Variants in CCDC170 observed in about 807,000 individuals in gnomAD.
CCDC170 encodes the protein coiled-coil domain containing 170.
In CCDC170, 69 loss-of-function variants were observed where a neutral mutation model predicts 72.6. The observed-to-expected ratio is 0.95, with a 90% CI of 0.78 to 1.16. CCDC170 has a LOEUF of 1.16. Ranked by LOEUF, CCDC170 falls within the 50% of genes most tolerant of loss-of-function variation. The pLI is 0.00. For synonymous variants in CCDC170, 300 were observed against 303.9 expected, an observed-to-expected ratio of 0.99 and a Z score of 0.13; for missense variants, 852 against 832.5, an observed-to-expected ratio of 1.02 and a Z score of -0.29.
At chr6:151,584,196 G>A (rs1008296876) in intron 6 of CCDC170, among the ~76,000 whole-genome samples, 2 of 152,204 alleles carry the variant, frequency 1.3e-5, no homozygotes, top group African/African-American at 4.8e-5. Context: ...AATAAAGTGA[G>A]ATGTGCCTGT....
chr6:151,584,282 T>G (rs1220648113), intron 6 of CCDC170, among the ~76,000 whole-genome samples: 1 of 152,234 alleles, frequency 6.6e-6, no homozygotes, highest in Non-Finnish European at 1.5e-5. Flanking sequence ...ACAGCTGTAA[T>G]CATTGTAAAG....
intron 5 of CCDC170, among the ~76,000 whole-genome samples, chr6:151,554,453 A>C (rs1008216158): frequency 5.3e-5 from 8 of 152,140 alleles, no homozygotes; most frequent in Non-Finnish European, 4.4e-5. Flanking sequence ...GGCCAGGTGC[A>C]GTGGCTCAAG....
chr6:151,545,162 G>T (rs1203711317), intron 4 of CCDC170, among the ~76,000 whole-genome samples: 1 of 152,190 alleles, frequency 6.6e-6, no homozygotes, highest in Non-Finnish European at 1.5e-5. Flanking sequence ...ACTCACGCCT[G>T]TAATCCCAGC....
chr6:151,589,161 A>C (rs1052240170), intron 7 of CCDC170, among the ~76,000 whole-genome samples: 2 of 152,026 alleles, frequency 1.3e-5, no homozygotes, highest in African/African-American at 4.8e-5. Context: ...AAGCTGAGGC[A>C]GGAGAATCGC....
chr6:151,501,844 T>C (rs1397496818), intron 1 of CCDC170, among the ~76,000 whole-genome samples: 1 of 152,226 alleles, frequency 6.6e-6, no homozygotes, highest in African/African-American at 2.4e-5. Flanking sequence ...AAGGACAACT[T>C]GATTTTTTTT....
chr6:151,570,143 G>C (rs1379087437), intron 5 of CCDC170, among the ~76,000 whole-genome samples: 1 of 152,174 alleles, frequency 6.6e-6, no homozygotes, highest in Non-Finnish European at 1.5e-5. Context: ...GTCTTGTGGT[G>C]TTGGCTGCCA....
In CCDC170 at chr6:151,616,376, C is replaced by T. The variant is rs1006851175; in HGVS notation, c.1947+697C>T. On this transcript the variant is annotated intron_variant, in intron 10 of 10. Coordinates refer to ENST00000239374, the MANE Select transcript of CCDC170 (RefSeq NM_025059.4). ...AGGTCAGGCGTAAAGAAACATGTAC[C>T]GGGCAGCTTGACCTCCATTGCTTTT... 4.6e-5 allele frequency among the ~76,000 whole-genome samples: 7 copies of T among 152,018 alleles called. No homozygotes were observed. In the East Asian group the frequency reaches 7.7e-4, roughly 17 times the overall value.
chr6:151,538,380 G>A, intron 3 of CCDC170, 79 bp downstream of exon 3: 2 of 1,369,300 alleles, frequency 1.5e-6, no homozygotes, highest in Non-Finnish European at 1.0e-6. Context: ...GTCTTTGAAA[G>A]TACTGGCATT....
At position 151,533,300 on chromosome 6, in the gene CCDC170, C is replaced by T. The variant is rs527625379; in HGVS notation, c.58-3018C>T. Reference sequence around the variant, plus strand: ...CGATCTCCTGACCTTGTGATCTGCCCGCCTTGGCCTCCCAAAGTGCTGGGA... The same window carrying T: ...CGATCTCCTGACCTTGTGATCTGCCTGCCTTGGCCTCCCAAAGTGCTGGGA... On this transcript the variant is annotated intron_variant, in intron 1 of 10. Coordinates refer to ENST00000239374, the MANE Select transcript of CCDC170 (RefSeq NM_025059.4). Among the ~76,000 whole-genome samples, 1,082 of 151,906 alleles carry T rather than the reference C, an allele frequency of 7.1e-3. 10 individuals are homozygous for T. Among genetic ancestry groups the T allele is most frequent in the African/African-American group, 0.024 (1,003 of 41,486 alleles).
intron 5 of CCDC170, among the ~76,000 whole-genome samples, chr6:151,561,770 A>T (rs1776038223): frequency 6.6e-6 from 1 of 152,116 alleles, no homozygotes; most frequent in Non-Finnish European, 1.5e-5. Context: ...TAGCAAGATT[A>T]GGGAAAAATT....
chr6:151,499,581 A>ACTCT lies in CCDC170; in HGVS notation c.57+5397_57+5398insTCTC, dbSNP rs1225963940. On this transcript the variant is annotated intron_variant, in intron 1 of 10. Coordinates refer to ENST00000239374, the MANE Select transcript of CCDC170 (RefSeq NM_025059.4). ...CATACTGTATTTGACTATTCTAGGC[A>ACTCT]CGCTGTATAAGTGGAATCAGACCGT... 6.8e-5 allele frequency among the ~76,000 whole-genome samples: 9 copies of ACTCT among 132,748 alleles called. 4 individuals are homozygous for ACTCT. The highest frequency in any genetic ancestry group is 2.8e-4 in the African/African-American group (9 of 31,646). The allele number at this position is 132,748 out of a possible 152,430, so 87.1% of individuals were successfully genotyped here.
intron 9 of CCDC170, among the ~76,000 whole-genome samples, chr6:151,611,452 G>A (rs1452665084): frequency 1.3e-5 from 2 of 152,164 alleles, no homozygotes; most frequent in Non-Finnish European, 2.9e-5. Flanking sequence ...GTTCATAGAT[G>A]ATGCCTTCTT....
chr6:151,562,818 G>A (rs920068952), intron 5 of CCDC170, among the ~76,000 whole-genome samples: 2 of 152,126 alleles, frequency 1.3e-5, no homozygotes, highest in East Asian at 3.9e-4. Context: ...TGGGGGAGGA[G>A]TGGGTGGGAA....
intron 6 of CCDC170, among the ~76,000 whole-genome samples, chr6:151,573,834 TACCTCCCACCAGGTCCCTCCC>T: frequency 6.6e-6 from 1 of 152,330 alleles, no homozygotes; most frequent in South Asian, 2.1e-4. Flanking sequence ...ATAATTCAAT[TACCTCCCACCAGGTCCCTCCC>T]ACGACACGTG....
At chr6:151,591,462 A>AGG (rs66943969) in intron 7 of CCDC170, among the ~76,000 whole-genome samples, 2 of 151,678 alleles carry the variant, frequency 1.3e-5, no homozygotes, top group Non-Finnish European at 2.9e-5. Flanking sequence ...GCGCTGTTTT[A>AGG]GGGGGGAGGT....
chr6:151,612,291 G>A (rs934572870), intron 9 of CCDC170, among the ~76,000 whole-genome samples: 10 of 152,236 alleles, frequency 6.6e-5, no homozygotes, highest in African/African-American at 2.4e-4. Flanking sequence ...ATGCCCAACC[G>A]TAGGGAGAGA....
chr6:151,577,676 C>A (rs968238026), intron 6 of CCDC170, among the ~76,000 whole-genome samples: 2 of 152,174 alleles, frequency 1.3e-5, no homozygotes, highest in African/African-American at 4.8e-5. Flanking sequence ...CCTCTGGCTG[C>A]GCACCCGCAC....
chr6:151,515,751 A>T (rs1328692145), intron 1 of CCDC170, among the ~76,000 whole-genome samples: 1 of 152,240 alleles, frequency 6.6e-6, no homozygotes, highest in Non-Finnish European at 1.5e-5. Context: ...CACAAGAGAC[A>T]GCTTTGCAGG....
chr6:151,516,142 T>A (rs1330263211), intron 1 of CCDC170, among the ~76,000 whole-genome samples: 1 of 152,182 alleles, frequency 6.6e-6, no homozygotes, highest in African/African-American at 2.4e-5. Flanking sequence ...TTATCTGTCA[T>A]ATAATGCTAT....
Sources: gnomAD v4.1 joint callset for allele counts (sites outside exome capture counted in the v4.1 genomes callset) on GRCh38, gnomAD v4.1.1 for gene constraint, MANE v1.5 for transcripts, NCBI Gene and HGNC (gene_info 2026-07-23, HGNC 2026-07-21) for gene names.